The following NRXN1 variants were observed in gnomAD, a reference collection of about 807,000 sequenced individuals.
NRXN1 encodes neurexin-1.
In NRXN1, 39 loss-of-function variants were observed where a neutral mutation model predicts 150.9. The ratio of observed to expected loss-of-function variants is 0.26; its 90% CI spans 0.20 to 0.34. The LOEUF (loss-of-function observed/expected upper bound fraction) is 0.34. Ranked by LOEUF, NRXN1 falls within the 10% of genes least tolerant of loss-of-function variation. NRXN1 has a pLI of 1.00. For synonymous variants in NRXN1, 924 were observed against 757.0 expected (o/e 1.22, Z -3.62); for missense variants, 1,815 against 1,949.9 (o/e 0.93, Z 1.30).
At chr2:50,392,008 A>G (rs766693410) in intron 17 of NRXN1, among the ~76,000 whole-genome samples, 3 of 152,166 alleles carry the variant, frequency 2.0e-5, no homozygotes, top group Non-Finnish European at 2.9e-5. Flanking sequence ...TTAATGAGGC[A>G]GATTATGAAA....
At chr2:50,508,443 T>C (rs960104702) in intron 12 of NRXN1, among the ~76,000 whole-genome samples, 16 of 151,610 alleles carry the variant, frequency 1.1e-4, no homozygotes, top group African/African-American at 3.9e-4. Flanking sequence ...CTAAATTCAA[T>C]AGTGAAGAAA....
chr2:50,211,848 G>A (rs960567603), intron 18 of NRXN1, among the ~76,000 whole-genome samples: 1 of 62,958 alleles, frequency 1.6e-5, no homozygotes, highest in Non-Finnish European at 4.5e-5. Context: ...GAAGAAGACA[G>A]GGTAAAAAAA....
chr2:50,013,798 C>T (rs1686104533), intron 21 of NRXN1, among the ~76,000 whole-genome samples: 1 of 152,066 alleles, frequency 6.6e-6, no homozygotes, highest in Admixed American at 6.6e-5. Context: ...GTGGGCACAG[C>T]ATTAATGAAA....
chr2:50,389,914 T>C (rs760640606), intron 17 of NRXN1, among the ~76,000 whole-genome samples: 21 of 152,218 alleles, frequency 1.4e-4, no homozygotes, highest in Non-Finnish European at 2.8e-4. Flanking sequence ...GATGTTATGG[T>C]ATCTAATTTC....
chr2:51,030,352 C>A (rs1041043522), intron 1 of NRXN1, among the ~76,000 whole-genome samples: 35 of 151,870 alleles, frequency 2.3e-4, no homozygotes, highest in African/African-American at 8.2e-4. Context: ...TTTTCCCTTA[C>A]AAGCTGAAAC....
At chr2:50,911,144 G>T (rs1421503000) in intron 5 of NRXN1, among the ~76,000 whole-genome samples, 1 of 151,850 alleles carries the variant, frequency 6.6e-6, no homozygotes, top group Non-Finnish European at 1.5e-5. Flanking sequence ...CAAATCACAT[G>T]CAATATGTAA....
At chr2:50,251,184 C>T (rs2067030502) in intron 17 of NRXN1, among the ~76,000 whole-genome samples, 1 of 151,974 alleles carries the variant, frequency 6.6e-6, no homozygotes, top group African/African-American at 2.4e-5. Context: ...CTCTCTCTCC[C>T]CCTGGCTCCC....
chr2:50,430,601 A>G (rs932799283), intron 17 of NRXN1, among the ~76,000 whole-genome samples: 7 of 152,336 alleles, frequency 4.6e-5, no homozygotes, highest in Admixed American at 3.9e-4. Context: ...ACAGCCCTGT[A>G]CCAGGCCCCA....
At chr2:50,937,623 C>T (rs1049100946) in intron 2 of NRXN1, among the ~76,000 whole-genome samples, 7 of 151,990 alleles carry the variant, frequency 4.6e-5, no homozygotes, top group Non-Finnish European at 8.8e-5. Flanking sequence ...CTTTCTCCAT[C>T]GATTGTTGTT....
At chr2:50,776,642 A>G (rs914767398) in intron 5 of NRXN1, among the ~76,000 whole-genome samples, 2 of 139,450 alleles carry the variant, frequency 1.4e-5, no homozygotes, top group African/African-American at 5.1e-5. Context: ...AGATATATAT[A>G]TATATATACA....
At chr2:50,691,565 A>G (rs1454723720) in intron 5 of NRXN1, among the ~76,000 whole-genome samples, 3 of 152,180 alleles carry the variant, frequency 2.0e-5, no homozygotes. Context: ...ATGCCATTGC[A>G]AAGATTTGTA....
intron 5 of NRXN1, among the ~76,000 whole-genome samples, chr2:50,815,329 A>G (rs548388358): frequency 6.6e-6 from 1 of 152,300 alleles, no homozygotes; most frequent in South Asian, 2.1e-4. Context: ...TGTCTTTTCT[A>G]AATCCCATTA....
At chr2:50,781,065 T>C (rs1704290884) in intron 5 of NRXN1, among the ~76,000 whole-genome samples, 1 of 152,192 alleles carries the variant, frequency 6.6e-6, no homozygotes. Context: ...ATGAAGTTCA[T>C]TACTTGTAGC....
chr2:50,893,768 T>C lies in NRXN1; in HGVS notation c.832+28101A>G, dbSNP rs751140008. On this transcript the variant is annotated intron_variant, in intron 5 of 22. Transcript: ENST00000401669. ...GTAAGACTTTCTATTTCTGGTACTATAGTTATCCTTCAGGATTTTTTCAAC... is the reference window on the plus strand; with the variant it reads ...GTAAGACTTTCTATTTCTGGTACTACAGTTATCCTTCAGGATTTTTTCAAC... Among the ~76,000 whole-genome samples, 5 of 152,226 alleles carry C rather than the reference T, an allele frequency of 3.3e-5. No individual in the cohort carries two copies. In the East Asian group the frequency reaches 5.8e-4, roughly 18 times the overall value.
intron 21 of NRXN1, among the ~76,000 whole-genome samples, chr2:50,033,631 T>A (rs1689522340): frequency 6.6e-6 from 1 of 151,884 alleles, no homozygotes; most frequent in South Asian, 2.1e-4. Context: ...ACAAACAGGA[T>A]CTAGTTAAAC....
At chr2:50,690,130 G>A (rs902661070) in intron 5 of NRXN1, among the ~76,000 whole-genome samples, 1 of 152,016 alleles carries the variant, frequency 6.6e-6, no homozygotes, top group African/African-American at 2.4e-5. Flanking sequence ...CAGGTGATCC[G>A]CCTGCCTTAG....
intron 5 of NRXN1, among the ~76,000 whole-genome samples, chr2:50,712,273 T>A (rs765104139): frequency 2.0e-5 from 3 of 152,156 alleles, no homozygotes; most frequent in African/African-American, 7.2e-5. Flanking sequence ...AGTCTTCCCT[T>A]TCCTTTCCAA....
chr2:50,056,775 T>G (rs1347267312), intron 19 of NRXN1, among the ~76,000 whole-genome samples: 1 of 152,182 alleles, frequency 6.6e-6, no homozygotes, highest in Non-Finnish European at 1.5e-5. Context: ...ATAATAAGCA[T>G]GTTTGACATG....
intron 5 of NRXN1, among the ~76,000 whole-genome samples, chr2:50,714,873 C>T (rs1240349649): frequency 6.6e-6 from 1 of 151,954 alleles, no homozygotes; most frequent in African/African-American, 2.4e-5. Flanking sequence ...GGTAGTAACA[C>T]CTAGTATATT....
Sources: gnomAD v4.1 joint callset for allele counts (sites outside exome capture counted in the v4.1 genomes callset) on GRCh38, gnomAD v4.1.1 for gene constraint, MANE v1.5 for transcripts, NCBI Gene and HGNC (gene_info 2026-07-23, HGNC 2026-07-21) for gene names.